MBP: variants seen among roughly 807,000 people sequenced by gnomAD.
MBP encodes Golli-MBP.
MBP carries 16 observed loss-of-function variants against 35.8 expected under a neutral mutation model. The observed-to-expected ratio is 0.45, with a 90% CI of 0.30 to 0.68. The LOEUF is 0.68. Ranked by LOEUF, MBP falls within the 30% of genes least tolerant of loss-of-function variation. MBP has a pLI of 0.08. For synonymous variants in MBP, 143 were observed against 159.6 expected (o/e 0.90, Z 0.78); for missense variants, 380 against 404.7 (o/e 0.94, Z 0.52).
chr18:77,010,050 C>T (rs79416582), intron 4 of MBP: 149,520 of 670,290 alleles, frequency 0.22, 18,211 homozygotes, highest in Middle Eastern at 0.27. Context: ...GAGGAGTGAG[C>T]GGGGGGTGGA....
At chr18:77,029,303 C>T (rs1344780099) in intron 3 of MBP, among the ~76,000 whole-genome samples, 14 of 149,604 alleles carry the variant, frequency 9.4e-5, no homozygotes, top group South Asian at 2.2e-4. Context: ...CGCAGGCACT[C>T]GGCAGGCTGA....
At chr18:77,074,505 T>A (rs879585659) in intron 2 of MBP, among the ~76,000 whole-genome samples, 3 of 152,110 alleles carry the variant, frequency 2.0e-5, no homozygotes, top group Non-Finnish European at 4.4e-5. Flanking sequence ...GCCTGTGATA[T>A]GGAAAGGCCA....
At chr18:76,984,609 C>T (rs1969427087) in intron 8 of MBP, 166 bp downstream of exon 8, 4 of 830,894 alleles carry the variant, frequency 4.8e-6, no homozygotes, top group East Asian at 2.7e-5. Context: ...CGCGTAAATG[C>T]GGGTGGGCAA....
chr18:77,131,075 GCACGCACGCGCA>G lies in MBP; in HGVS notation c.-26+1493_-26+1504del, dbSNP rs1279265043. Among the ~76,000 whole-genome samples, 2 of 19,746 alleles carry G rather than the reference GCACGCACGCGCA, an allele frequency of 1.0e-4. No homozygotes were observed. The highest frequency in any genetic ancestry group is 2.2e-4 in the African/African-American group (2 of 8,892). The allele number at this position is 19,746 out of a possible 152,430, so 13.0% of individuals were successfully genotyped here. A position where few individuals can be genotyped will look rare whatever the true frequency, so the allele number is the denominator to read the frequency against. Reference sequence around the variant, plus strand: ...CAAAAAACAAAACACACACACGCGCGCACGCACGCGCACACACACACACACACACACACACAC... The same window carrying G: ...CAAAAAACAAAACACACACACGCGCGCACACACACACACACACACACACAC... On this transcript the variant is annotated intron_variant, in intron 1 of 8. Transcript: ENST00000355994. The surrounding 1 kb of genome is among the most constrained non-coding windows in gnomAD (Gnocchi z 5.5).
At chr18:77,048,220 T>C (rs1191709458) in intron 3 of MBP, among the ~76,000 whole-genome samples, 1 of 152,216 alleles carries the variant, frequency 6.6e-6, no homozygotes, top group African/African-American at 2.4e-5. Flanking sequence ...TATTTCCTCA[T>C]CTTTACCCGA....
In MBP at chr18:77,016,888, A is replaced by G. The variant is rs1194494874; in HGVS notation, c.520T>C (p.Ser174Pro). The G allele has an allele frequency of 1.2e-6, 2 of 1,614,206 alleles. No homozygotes were observed. The highest frequency in any genetic ancestry group is 1.7e-5 in the Admixed American group (1 of 60,022). The part of the protein sequence containing the change: ...PRHRDTGILD[S>P]IGRFFGGDRG... The stretch of plus-strand genomic sequence containing the variant: ...TCACCGCCAAAGAAGCGCCCGATGG[A>G]GTCAAGGATGCCCGTGTCTCTGTGC... The change falls in exon 4 of 9, where the codon TCC (serine) becomes CCC (proline). Residue 174 changes from serine to proline, a missense_variant. Physicochemically the swap from Ser to Pro is moderately conservative, Grantham distance 74 (BLOSUM62 -1). Transcript: ENST00000355994.
At chr18:77,061,279 CTT>C (rs1221909789) in intron 3 of MBP, among the ~76,000 whole-genome samples, 2 of 152,154 alleles carry the variant, frequency 1.3e-5, no homozygotes, top group African/African-American at 4.8e-5. Flanking sequence ...CCATGTGACT[CTT>C]TGTCTGTGAT....
intron 2 of MBP, chr18:77,067,738 G>T (rs1974256127): frequency 2.2e-6 from 1 of 461,784 alleles, no homozygotes; most frequent in East Asian, 6.4e-5. Context: ...ACTTAAGTTT[G>T]TACCAATTTT....
intron 2 of MBP, among the ~76,000 whole-genome samples, chr18:77,081,270 C>A (rs1333518301): frequency 6.6e-6 from 1 of 152,082 alleles, no homozygotes; most frequent in Non-Finnish European, 1.5e-5. Context: ...GACAGACAAC[C>A]CGGAGAAGTG....
chr18:77,012,521 A>G (rs1250949732), intron 4 of MBP, among the ~76,000 whole-genome samples: 2 of 152,248 alleles, frequency 1.3e-5, no homozygotes, highest in Non-Finnish European at 2.9e-5. Flanking sequence ...TCTGTGTAGT[A>G]AAAGCAGATG....
intron 3 of MBP, among the ~76,000 whole-genome samples, chr18:77,052,070 T>A (rs1973510840): frequency 6.6e-6 from 1 of 152,124 alleles, no homozygotes; most frequent in African/African-American, 2.4e-5. Context: ...AGAAGGCGTG[T>A]GAGTGCAAGC....
At position 77,031,501 on chromosome 18, in the gene MBP, C is replaced by T. The variant is rs549907739; in HGVS notation, c.140-14233G>A. On this transcript the variant is annotated intron_variant, in intron 3 of 8. Transcript: ENST00000355994. ...GCAGGGAGTATTCCATTTGTTTAGA[C>T]CTGAAGCCGGTCAGGTTCTCATTTT... Among the ~76,000 whole-genome samples, 3 of 152,362 alleles carry T rather than the reference C, an allele frequency of 2.0e-5. No homozygotes were observed. The South Asian group carries it at 6.2e-4, about 32-fold the overall frequency.
In MBP at chr18:76,979,093, T is replaced by G. The variant is rs1184399637; in HGVS notation, c.*1334A>C. On this transcript the variant is annotated 3_prime_UTR_variant, in exon 9 of 9. Coordinates refer to ENST00000355994, the MANE Select transcript of MBP (RefSeq NM_001025101.2). ...CACACGAAACATTCAGAATTAGAAT[T>G]GGATTAAGAAGACGCGTTTTGGCAT... is the stretch of plus-strand genomic sequence containing the variant. 6.6e-6 allele frequency: 1 copy of G among 152,146 alleles called. No homozygotes were observed. Among genetic ancestry groups the G allele is most frequent in the African/African-American group, 2.4e-5 (1 of 41,418 alleles). 9.4% of individuals were successfully genotyped at this position (152,146 alleles called of 1,614,324 possible). A position where few individuals can be genotyped will look rare whatever the true frequency, so the allele number is the denominator to read the frequency against.
chr18:76,995,747 A>T (rs1279841299), intron 4 of MBP, among the ~76,000 whole-genome samples: 1 of 152,222 alleles, frequency 6.6e-6, no homozygotes, highest in Admixed American at 6.5e-5. Context: ...AGAAGCAGCC[A>T]TAGGAGAAAA....
intron 4 of MBP, chr18:77,005,038 T>G (rs999800951): frequency 7.9e-5 from 12 of 152,268 alleles, no homozygotes; most frequent in Non-Finnish European, 1.5e-4. Flanking sequence ...GCTCTGGCTC[T>G]GGGCACAGAA....
At chr18:77,065,857 C>A (rs1012456897) in intron 3 of MBP, 13 of 158,662 alleles carry the variant, frequency 8.2e-5, no homozygotes, top group African/African-American at 2.4e-4. Context: ...ATCTACACAG[C>A]CGACATTTTA....
chr18:77,059,163 ATG>A (rs1973864415), intron 3 of MBP, among the ~76,000 whole-genome samples: 1 of 152,248 alleles, frequency 6.6e-6, no homozygotes, highest in African/African-American at 2.4e-5. Flanking sequence ...CAACTGTAGC[ATG>A]GTTTCTAGTA....
Position 76,979,071 on chromosome 18 carries a change from A to T in MBP, c.*1356T>A, listed in dbSNP as rs1171844510. On this transcript the variant is annotated 3_prime_UTR_variant, in exon 9 of 9. Coordinates refer to ENST00000355994, the MANE Select transcript of MBP (RefSeq NM_001025101.2). ...TTAATAGACATGGTATTAAGCCCACACGAAACATTCAGAATTAGAATTGGA... is the reference window on the plus strand; with the variant it reads ...TTAATAGACATGGTATTAAGCCCACTCGAAACATTCAGAATTAGAATTGGA... 1 of 152,202 alleles carries T rather than the reference A, an allele frequency of 6.6e-6. No individual in the cohort carries two copies. Among genetic ancestry groups the T allele is most frequent in the Non-Finnish European group, 1.5e-5 (1 of 68,042 alleles). 9.4% of individuals were successfully genotyped at this position (152,202 alleles called of 1,614,324 possible).
At chr18:77,083,811 C>A (rs1395169844) in intron 2 of MBP, among the ~76,000 whole-genome samples, 2 of 152,236 alleles carry the variant, frequency 1.3e-5, no homozygotes, top group Middle Eastern at 6.8e-3. Context: ...ACCCTACAGA[C>A]AAGAAGTGAG....
Sources: allele counts gnomAD v4.1 joint callset (sites outside exome capture counted in the v4.1 genomes callset), GRCh38; gene constraint gnomAD v4.1.1; non-coding constraint Gnocchi (gnomAD v3.1); transcripts MANE v1.5; gene names NCBI Gene and HGNC (gene_info 2026-07-23, HGNC 2026-07-21).